The following SEZ6L variants were observed in gnomAD, a reference collection of about 807,000 sequenced individuals.
SEZ6L encodes seizure related 6 homolog like.
SEZ6L carries 37 observed loss-of-function variants against 106.2 expected under a neutral mutation model. The observed-to-expected ratio is 0.35, with a 90% CI of 0.27 to 0.46. The LOEUF (loss-of-function observed/expected upper bound fraction) is 0.46, where lower values mean the gene tolerates loss of function less well. Among genes scored for constraint, SEZ6L ranks in the 20% least tolerant of loss-of-function variants. The pLI is 1.00. For synonymous variants in SEZ6L, 541 were observed against 570.4 expected, an observed-to-expected ratio of 0.95 and a Z score of 0.73; for missense variants, 1,172 against 1,332.8, an observed-to-expected ratio of 0.88 and a Z score of 1.88.
intron 1 of SEZ6L, among the ~76,000 whole-genome samples, chr22:26,174,925 A>T (rs1332102077): frequency 6.6e-6 from 1 of 152,234 alleles, no homozygotes; most frequent in Non-Finnish European, 1.5e-5. Flanking sequence ...ACAATAGCCC[A>T]TGAGAGAGAT....
chr22:26,192,300 T>TA (rs1940270831), intron 1 of SEZ6L, among the ~76,000 whole-genome samples: 1 of 152,264 alleles, frequency 6.6e-6, no homozygotes, highest in Non-Finnish European at 1.5e-5. Flanking sequence ...GACCTTGGTT[T>TA]GATCTAAGCA....
intron 15 of SEZ6L, among the ~76,000 whole-genome samples, chr22:26,376,506 C>T (rs966704284): frequency 6.6e-6 from 1 of 152,086 alleles, no homozygotes; most frequent in Non-Finnish European, 1.5e-5. Context: ...CTTTGGGAGG[C>T]CAACGCAGGT....
At chr22:26,264,554 T>C (rs2080116251) in intron 1 of SEZ6L, among the ~76,000 whole-genome samples, 1 of 152,220 alleles carries the variant, frequency 6.6e-6, no homozygotes, top group Non-Finnish European at 1.5e-5. Context: ...ATCATATGTT[T>C]ATACTTCTCT....
At position 26,382,142 on chromosome 22, in the gene SEZ6L, T is replaced by C; in HGVS notation, c.*1847T>C. 2.1e-6 allele frequency: 1 copy of C among 476,164 alleles called. No individual in the cohort carries two copies. Among genetic ancestry groups the C allele is most frequent in the Non-Finnish European group, 4.2e-6 (1 of 238,520 alleles). The allele number at this position is 476,164 out of a possible 1,614,324, so 29.5% of individuals were successfully genotyped here. A position where few individuals can be genotyped will look rare whatever the true frequency, so the allele number is the denominator to read the frequency against. ...TGAGTGTGTGGTCCATGGCAAGAAATAGCTAAAGGCTGCTTTCCAGGACCC... is the reference window on the plus strand; with the variant it reads ...TGAGTGTGTGGTCCATGGCAAGAAACAGCTAAAGGCTGCTTTCCAGGACCC... On this transcript the variant is annotated 3_prime_UTR_variant, in exon 17 of 17. Coordinates refer to ENST00000248933, the MANE Select transcript of SEZ6L (RefSeq NM_021115.5).
intron 2 of SEZ6L, among the ~76,000 whole-genome samples, chr22:26,294,013 C>T (rs1054178447): frequency 2.6e-5 from 4 of 152,176 alleles, no homozygotes; most frequent in Non-Finnish European, 5.9e-5. Context: ...TCCCTCTAAA[C>T]TGGGGATGAA....
rs143224688 is a variant in SEZ6L at position 26,222,509 on chromosome 22, T to C, written c.94+52746T>C. 1.7e-3 allele frequency among the ~76,000 whole-genome samples: 259 copies of C among 152,276 alleles called. 5 individuals are homozygous for C. The East Asian group carries it at 0.041, about 24-fold the overall frequency. On this transcript the variant is annotated intron_variant, in intron 1 of 16. Coordinates refer to ENST00000248933, the MANE Select transcript of SEZ6L (RefSeq NM_021115.5). ...CCAGCATTATTGAGCCCTTCTTGTG[T>C]TCTAGCCACTTGACATAGGACCTTC...
At chr22:26,229,310 T>C (rs1435797756) in intron 1 of SEZ6L, among the ~76,000 whole-genome samples, 2 of 152,206 alleles carry the variant, frequency 1.3e-5, no homozygotes, top group African/African-American at 4.8e-5. Context: ...AGAGGTATTT[T>C]AATCAATTAT....
At chr22:26,348,705 G>GAAAGAAAGAAA (rs1481352357) in intron 11 of SEZ6L, among the ~76,000 whole-genome samples, 5 of 48,076 alleles carry the variant, frequency 1.0e-4, no homozygotes, top group Admixed American at 2.2e-4. Context: ...AAAGAAAGAA[G>GAAAGAAAGAAA]GCAAGGGAGG....
intron 9 of SEZ6L, among the ~76,000 whole-genome samples, chr22:26,333,925 A>G (rs2082566559): frequency 6.6e-6 from 1 of 152,188 alleles, no homozygotes; most frequent in South Asian, 2.1e-4. Flanking sequence ...CACCAAGAGC[A>G]TCGTGCTTTG....
chr22:26,184,381 G>C (rs1181600711), intron 1 of SEZ6L, among the ~76,000 whole-genome samples: 1 of 152,114 alleles, frequency 6.6e-6, no homozygotes, highest in African/African-American at 2.4e-5. Context: ...CTGCCACAAT[G>C]CTTCCACGGC....
chr22:26,338,860 T>TTTTTTTA (rs2082730063), intron 9 of SEZ6L, among the ~76,000 whole-genome samples: 1 of 93,734 alleles, frequency 1.1e-5, no homozygotes, highest in South Asian at 3.3e-4. Context: ...CCGGACTTTT[T>TTTTTTTA]TTTTTTCTTT....
intron 9 of SEZ6L, among the ~76,000 whole-genome samples, chr22:26,315,232 C>A (rs2081964347): frequency 6.6e-6 from 1 of 152,198 alleles, no homozygotes; most frequent in Admixed American, 6.5e-5. Flanking sequence ...ACAACCCCAA[C>A]ACTTCGGGAG....
At chr22:26,368,159 C>T (rs998620774) in intron 13 of SEZ6L, among the ~76,000 whole-genome samples, 1 of 152,198 alleles carries the variant, frequency 6.6e-6, no homozygotes, top group African/African-American at 2.4e-5. Context: ...TACTTGGGAA[C>T]CCCTAACTTC....
At position 26,219,254 on chromosome 22, in the gene SEZ6L, G is replaced by GT. The variant is rs10635478; in HGVS notation, c.94+49507dup. 7.6e-3 allele frequency among the ~76,000 whole-genome samples: 1,025 copies of GT among 135,090 alleles called. 42 individuals are homozygous for GT. The highest frequency in any genetic ancestry group is 0.025 in the African/African-American group (914 of 36,724). The allele number at this position is 135,090 out of a possible 152,430, so 88.6% of individuals were successfully genotyped here. On this transcript the variant is annotated intron_variant, in intron 1 of 16. Transcript: ENST00000248933. ...CATAGAAGATGTTCGAGAAATACAA[G>GT]TTTTTTTTTTTTTTTTCGCTCCTGG...
intron 1 of SEZ6L, among the ~76,000 whole-genome samples, chr22:26,209,990 G>GAA (rs1280430828): frequency 3.3e-5 from 5 of 149,272 alleles, no homozygotes; most frequent in African/African-American, 1.2e-4. Context: ...AGGAAGGAAG[G>GAA]GAGGAAGGAA....
intron 1 of SEZ6L, among the ~76,000 whole-genome samples, chr22:26,172,189 G>A (rs540167805): frequency 6.6e-6 from 1 of 152,000 alleles, no homozygotes; most frequent in Non-Finnish European, 1.5e-5. Context: ...GAATTAATAA[G>A]GCAAATTCAG....
intron 1 of SEZ6L, among the ~76,000 whole-genome samples, chr22:26,229,890 G>C (rs2078745699): frequency 6.6e-6 from 1 of 152,220 alleles, no homozygotes; most frequent in South Asian, 2.1e-4. Context: ...GGAAAGGCAA[G>C]TCAGGTCCTG....
chr22:26,185,013 G>A (rs1460597786), intron 1 of SEZ6L, among the ~76,000 whole-genome samples: 1 of 152,206 alleles, frequency 6.6e-6, no homozygotes, highest in African/African-American at 2.4e-5. Context: ...GAACCCAGGT[G>A]GCAGAGGCTG....
chr22:26,310,654 C>A lies in SEZ6L; in HGVS notation c.1515-16C>A. On this transcript the variant is annotated splice_polypyrimidine_tract_variant and intron_variant, in intron 6 of 16. Coordinates refer to ENST00000248933, the MANE Select transcript of SEZ6L (RefSeq NM_021115.5). ...GAAGATCTGTCAGTGTCCCTCCTCT[C>A]TGCTCCCACTGCCAGGATGACGGTT... 4 of 1,613,870 alleles carry A rather than the reference C, an allele frequency of 2.5e-6. No homozygotes were observed. The highest frequency in any genetic ancestry group is 2.5e-6 in the Non-Finnish European group (3 of 1,179,844).
Sources: gnomAD v4.1 joint callset for allele counts (sites outside exome capture counted in the v4.1 genomes callset) on GRCh38, gnomAD v4.1.1 for gene constraint, MANE v1.5 for transcripts, NCBI Gene and HGNC (gene_info 2026-07-23, HGNC 2026-07-21) for gene names.